Variants in UCK2 observed in about 807,000 individuals in gnomAD.
The protein encoded by UCK2 is uridine-cytidine kinase 2.
A neutral mutation model predicts 30.8 loss-of-function variants in UCK2; 6 were observed. That is an observed-to-expected ratio of 0.19 (90% CI 0.11 to 0.38). UCK2 has a LOEUF of 0.38. UCK2 is among the 10% of genes least tolerant of loss of function. The pLI is 1.00. For missense variants in UCK2, 210 were observed against 339.8 expected, an observed-to-expected ratio of 0.62 and a Z score of 3.00; for synonymous variants, 125 against 133.6, an observed-to-expected ratio of 0.94 and a Z score of 0.45.
chr1:165,864,423 A>G (rs532467046), intron 1 of UCK2, among the ~76,000 whole-genome samples: 1 of 152,142 alleles, frequency 6.6e-6, no homozygotes, highest in Non-Finnish European at 1.5e-5. Context: ...TTTTATAGGT[A>G]TCAGTATATT....
chr1:165,841,893 G>T (rs746357240), intron 1 of UCK2, among the ~76,000 whole-genome samples: 1 of 152,142 alleles, frequency 6.6e-6, no homozygotes, highest in South Asian at 2.1e-4. Context: ...CCCCAGTCTC[G>T]TGCACAGGGA....
At chr1:165,886,948 T>C (rs1328355498) in intron 1 of UCK2, among the ~76,000 whole-genome samples, 1 of 152,232 alleles carries the variant, frequency 6.6e-6, no homozygotes, top group Non-Finnish European at 1.5e-5. Flanking sequence ...ACAATCTAGA[T>C]TAACCTAGAG....
chr1:165,851,350 T>G (rs1654591541), intron 1 of UCK2, among the ~76,000 whole-genome samples: 1 of 152,254 alleles, frequency 6.6e-6, no homozygotes, highest in Non-Finnish European at 1.5e-5. Context: ...TTTGAACATT[T>G]ATTTGGAAGC....
chr1:165,832,636 C>G (rs1487221934), intron 1 of UCK2, among the ~76,000 whole-genome samples: 1 of 151,968 alleles, frequency 6.6e-6, no homozygotes, highest in Non-Finnish European at 1.5e-5. Context: ...TGGGACAGAG[C>G]CTTGCTCTGT....
chr1:165,882,593 G>C (rs1304709820), intron 1 of UCK2, among the ~76,000 whole-genome samples: 2 of 152,140 alleles, frequency 1.3e-5, no homozygotes, highest in African/African-American at 4.8e-5. Flanking sequence ...GTCTGGTGAG[G>C]GCCGCTGTCT....
intron 1 of UCK2, among the ~76,000 whole-genome samples, chr1:165,851,133 TC>T (rs1159066268): frequency 1.3e-5 from 2 of 151,912 alleles, no homozygotes; most frequent in African/African-American, 4.8e-5. Flanking sequence ...GAGATTCTGC[TC>T]CCCCTGTTAT....
At chr1:165,868,201 T>C (rs1655095555) in intron 1 of UCK2, among the ~76,000 whole-genome samples, 1 of 152,230 alleles carries the variant, frequency 6.6e-6, no homozygotes, top group Non-Finnish European at 1.5e-5. Context: ...TAATGAGATA[T>C]GCTGCCATAC....
intron 1 of UCK2, among the ~76,000 whole-genome samples, chr1:165,835,307 C>T (rs1654160448): frequency 6.8e-6 from 1 of 146,376 alleles, no homozygotes; most frequent in African/African-American, 2.7e-5. Flanking sequence ...CCATTTTGCA[C>T]ATATAATATA....
At chr1:165,863,563 G>T (rs1654973315) in intron 1 of UCK2, among the ~76,000 whole-genome samples, 1 of 152,226 alleles carries the variant, frequency 6.6e-6, no homozygotes, top group Admixed American at 6.5e-5. Flanking sequence ...TTTGATGGCA[G>T]TGTGTTTGTA....
chr1:165,890,692 G>A (rs370820775), intron 2 of UCK2: 14 of 301,964 alleles, frequency 4.6e-5, no homozygotes, highest in Middle Eastern at 2.3e-3. Context: ...GGCAGCCCTC[G>A]TCAGACCCTC....
intron 3 of UCK2, among the ~76,000 whole-genome samples, chr1:165,893,900 T>G (rs1449592076): frequency 6.6e-6 from 1 of 152,230 alleles, no homozygotes; most frequent in Non-Finnish European, 1.5e-5. Context: ...CTTTTTAGTA[T>G]TTATCAGTTA....
rs115492371 is a variant in UCK2, at chr1:165,866,731, T to C, written c.100-23473T>C. On this transcript the variant is annotated intron_variant, in intron 1 of 6. Coordinates refer to ENST00000367879, the MANE Select transcript of UCK2 (RefSeq NM_012474.5). Reference sequence around the variant, plus strand: ...ACTTTCTGACTCAGAATTGGACTATTCTAGGTACTTTAGTTAAGTGGAATC... The same window carrying C: ...ACTTTCTGACTCAGAATTGGACTATCCTAGGTACTTTAGTTAAGTGGAATC... Among the ~76,000 whole-genome samples the C allele has an allele frequency of 2.8e-3, 427 of 152,338 alleles. 2 individuals carry two copies. Among genetic ancestry groups the C allele is most frequent in the African/African-American group, 9.6e-3 (399 of 41,578 alleles).
chr1:165,832,529 C>T (rs1654075901), intron 1 of UCK2, among the ~76,000 whole-genome samples: 1 of 152,128 alleles, frequency 6.6e-6, no homozygotes, highest in Non-Finnish European at 1.5e-5. Context: ...TGTGTCTTCC[C>T]TACTGGTAGA....
At chr1:165,892,528 A>G (rs1655796408) in intron 3 of UCK2, 1 of 152,142 alleles carries the variant, frequency 6.6e-6, no homozygotes, top group Non-Finnish European at 1.5e-5. Flanking sequence ...TCTCCTGAAT[A>G]TTGTGGATTT....
At chr1:165,901,639 A>G (rs1439698051) in intron 4 of UCK2, among the ~76,000 whole-genome samples, 1 of 152,202 alleles carries the variant, frequency 6.6e-6, no homozygotes, top group East Asian at 1.9e-4. Context: ...TTTTGGGGTG[A>G]AAGATTTAGC....
intron 1 of UCK2, among the ~76,000 whole-genome samples, chr1:165,869,449 G>A (rs914749589): frequency 6.6e-6 from 1 of 151,978 alleles, no homozygotes; most frequent in Non-Finnish European, 1.5e-5. Flanking sequence ...CCCACAAATG[G>A]TATTGCTGGG....
chr1:165,862,103 A>G (rs543997187), intron 1 of UCK2, among the ~76,000 whole-genome samples: 1 of 152,266 alleles, frequency 6.6e-6, no homozygotes, highest in Admixed American at 6.5e-5. Flanking sequence ...CATCCTTGCT[A>G]AATACTTGAC....
chr1:165,866,675 C>T (rs1456521265), intron 1 of UCK2, among the ~76,000 whole-genome samples: 1 of 152,130 alleles, frequency 6.6e-6, no homozygotes, highest in Non-Finnish European at 1.5e-5. Context: ...ATAATTCTTC[C>T]TCATCCCCAG....
At chr1:165,858,239 G>A (rs1252583014) in intron 1 of UCK2, among the ~76,000 whole-genome samples, 2 of 152,262 alleles carry the variant, frequency 1.3e-5, no homozygotes, top group South Asian at 2.1e-4. Context: ...CTGTCATAGG[G>A]GAGAGAGTAG....
Sources: allele counts gnomAD v4.1 joint callset (sites outside exome capture counted in the v4.1 genomes callset), GRCh38; gene constraint gnomAD v4.1.1; transcripts MANE v1.5; gene names NCBI Gene and HGNC (gene_info 2026-07-23, HGNC 2026-07-21).